SORCS2: variants seen among roughly 807,000 people sequenced by gnomAD.
SORCS2 encodes VPS10 domain-containing receptor SorCS2.
A neutral mutation model predicts 141.6 loss-of-function variants in SORCS2; 100 were observed. The observed-to-expected ratio is 0.71, with a 90% CI of 0.60 to 0.83. The LOEUF (loss-of-function observed/expected upper bound fraction) is 0.83. Ranked by LOEUF, SORCS2 falls within the 40% of genes least tolerant of loss-of-function variation. The pLI, the probability that SORCS2 is intolerant of heterozygous loss-of-function variation, is 0.00. For synonymous variants in SORCS2, 789 were observed against 676.9 expected, an observed-to-expected ratio of 1.17 and a Z score of -2.57; for missense variants, 1,646 against 1,560.2, an observed-to-expected ratio of 1.05 and a Z score of -0.93.
chr4:7,282,211 C>T (rs762085216), intron 1 of SORCS2, among the ~76,000 whole-genome samples: 1 of 152,214 alleles, frequency 6.6e-6, no homozygotes, highest in African/African-American at 2.4e-5. Context: ...CTGCTGTTAC[C>T]GTCTCTCTGG....
chr4:7,524,371 A>C (rs1167555406), intron 2 of SORCS2, among the ~76,000 whole-genome samples: 10 of 151,954 alleles, frequency 6.6e-5, no homozygotes, highest in Admixed American at 6.5e-4. Flanking sequence ...TAGCACCTTG[A>C]CTTTGGACTT....
At chr4:7,408,257 C>G (rs1725097740) in intron 2 of SORCS2, among the ~76,000 whole-genome samples, 2 of 152,102 alleles carry the variant, frequency 1.3e-5, no homozygotes, top group Non-Finnish European at 2.9e-5. Context: ...GAAAAACTCC[C>G]TTTAACCTTT....
chr4:7,686,653 G>C (rs1368779129), intron 10 of SORCS2, among the ~76,000 whole-genome samples: 2 of 152,198 alleles, frequency 1.3e-5, no homozygotes, highest in Non-Finnish European at 2.9e-5. Context: ...GCGGGTTCTG[G>C]GGCTCCTGAT....
At chr4:7,225,800 C>T (rs1396261746) in intron 1 of SORCS2, among the ~76,000 whole-genome samples, 5 of 152,076 alleles carry the variant, frequency 3.3e-5, no homozygotes, top group South Asian at 2.1e-4. Context: ...GTTGGGGCTT[C>T]CTTCCAGCGT....
intron 1 of SORCS2, among the ~76,000 whole-genome samples, chr4:7,195,060 C>T (rs902641449): frequency 1.3e-5 from 2 of 151,788 alleles, no homozygotes; most frequent in Admixed American, 1.3e-4. Context: ...GGATGGGGCA[C>T]TGGGGGTGGG....
At chr4:7,476,904 C>T (rs16840358) in intron 2 of SORCS2, among the ~76,000 whole-genome samples, 19,233 of 152,254 alleles carry the variant, frequency 0.13, 1,600 homozygotes, top group South Asian at 0.25. Flanking sequence ...AAATCTCCAA[C>T]TCAGTGCTAT....
At chr4:7,517,262 A>G (rs1256990691) in intron 2 of SORCS2, among the ~76,000 whole-genome samples, 1 of 151,884 alleles carries the variant, frequency 6.6e-6, no homozygotes, top group Non-Finnish European at 1.5e-5. Context: ...CCCACTCAAA[A>G]CTTTCAGCCG....
chr4:7,734,418 G>T (rs1293036588), intron 25 of SORCS2, 44 bp downstream of exon 25: 1 of 1,370,800 alleles, frequency 7.3e-7, no homozygotes, highest in Non-Finnish European at 9.8e-7. Flanking sequence ...CTGACCATGG[G>T]GCCGTAGGAA....
chr4:7,215,767 T>C (rs1728307543), intron 1 of SORCS2, among the ~76,000 whole-genome samples: 1 of 152,086 alleles, frequency 6.6e-6, no homozygotes, highest in Non-Finnish European at 1.5e-5. Context: ...TCTGGTGGGG[T>C]CTTGGAGAAC....
At chr4:7,401,300 T>C (rs1044162783) in intron 2 of SORCS2, among the ~76,000 whole-genome samples, 1 of 151,984 alleles carries the variant, frequency 6.6e-6, no homozygotes, top group Non-Finnish European at 1.5e-5. Context: ...GATTGATAAA[T>C]GGATGGATAG....
At chr4:7,469,243 G>T (rs1215879494) in intron 2 of SORCS2, among the ~76,000 whole-genome samples, 1 of 151,814 alleles carries the variant, frequency 6.6e-6, no homozygotes, top group African/African-American at 2.4e-5. Flanking sequence ...AGTGATGATG[G>T]TGATGGAGGT....
At chr4:7,268,824 G>A (rs1432270050) in intron 1 of SORCS2, among the ~76,000 whole-genome samples, 2 of 152,214 alleles carry the variant, frequency 1.3e-5, no homozygotes, top group Non-Finnish European at 2.9e-5. Context: ...GGCATCCCAG[G>A]GAGAGGGCCT....
chr4:7,231,394 T>C (rs1307462383), intron 1 of SORCS2, among the ~76,000 whole-genome samples: 1 of 152,184 alleles, frequency 6.6e-6, no homozygotes, highest in Non-Finnish European at 1.5e-5. Context: ...ATACCCAGAA[T>C]AATGTTTGAC....
intron 2 of SORCS2, among the ~76,000 whole-genome samples, chr4:7,473,368 T>G (rs28393125): frequency 6.6e-6 from 1 of 151,896 alleles, no homozygotes; most frequent in Non-Finnish European, 1.5e-5. Context: ...GGGACCCTGG[T>G]AATGTGGGAT....
chr4:7,727,263 G>A (rs918498070), intron 21 of SORCS2, among the ~76,000 whole-genome samples: 1 of 152,250 alleles, frequency 6.6e-6, no homozygotes, highest in Non-Finnish European at 1.5e-5. Context: ...CTCTGGCCAA[G>A]CCTGAGCATT....
chr4:7,202,851 T>C lies in SORCS2; in HGVS notation c.480+9725T>C, dbSNP rs563489537. 5.9e-5 allele frequency among the ~76,000 whole-genome samples: 9 copies of C among 152,198 alleles called. No individual in the cohort carries two copies. In the South Asian group the frequency reaches 1.7e-3, roughly 28 times the overall value. On this transcript the variant is annotated intron_variant, in intron 1 of 26. Coordinates refer to ENST00000507866, the MANE Select transcript of SORCS2 (RefSeq NM_020777.3). ...CTGCTTCTGATGTAATTTTACCTTA[T>C]AATAATAATCCCTCACTATTTACAT...
chr4:7,654,243 C>G (rs546856117), intron 5 of SORCS2, 36 bp downstream of exon 5: 6 of 1,548,442 alleles, frequency 3.9e-6, no homozygotes. Context: ...CCATGGGGCC[C>G]GCAGCTCTGG....
chr4:7,509,486 T>C (rs1213189491), intron 2 of SORCS2, among the ~76,000 whole-genome samples: 1 of 152,074 alleles, frequency 6.6e-6, no homozygotes, highest in African/African-American at 2.4e-5. Flanking sequence ...AGGACGCATG[T>C]GTTGCCCATG....
At chr4:7,395,323 C>T (rs1022130317) in intron 1 of SORCS2, among the ~76,000 whole-genome samples, 1 of 152,148 alleles carries the variant, frequency 6.6e-6, no homozygotes, top group Non-Finnish European at 1.5e-5. Context: ...GGGTGGTGAC[C>T]CCAAATAACG....
Sources: allele counts gnomAD v4.1 joint callset (sites outside exome capture counted in the v4.1 genomes callset), GRCh38; gene constraint gnomAD v4.1.1; transcripts MANE v1.5; gene names NCBI Gene and HGNC (gene_info 2026-07-23, HGNC 2026-07-21).